KNL1: variants seen among roughly 807,000 people sequenced by gnomAD.
KNL1 encodes the protein kinetochore scaffold 1.
Under a neutral mutation model 201.3 loss-of-function variants are expected in KNL1, and 66 were observed. The observed-to-expected ratio is 0.33, with a 90% CI of 0.27 to 0.40. The LOEUF (loss-of-function observed/expected upper bound fraction) is 0.40, where lower values mean the gene tolerates loss of function less well. KNL1 is among the 10% of genes least tolerant of loss of function. The pLI, the probability that KNL1 is intolerant of heterozygous loss-of-function variation, is 1.00. For synonymous variants in KNL1, 895 were observed against 899.2 expected, an observed-to-expected ratio of 1.00 and a Z score of 0.08; for missense variants, 2,815 against 2,690.5, an observed-to-expected ratio of 1.05 and a Z score of -1.02.
intron 8 of KNL1, among the ~76,000 whole-genome samples, chr15:40,618,588 T>C (rs1346516584): frequency 6.6e-6 from 1 of 152,078 alleles, no homozygotes. Context: ...ATTATAAAAA[T>C]ATTTCAGCCA....
At chr15:40,615,660 G>A (rs1267416037) in intron 8 of KNL1, 3 of 160,764 alleles carry the variant, frequency 1.9e-5, no homozygotes, top group African/African-American at 4.8e-5. Context: ...CCAGCTACTC[G>A]GGGCTGAGGC....
chr15:40,654,190 G>A (rs1339844918), intron 21 of KNL1, among the ~76,000 whole-genome samples: 5 of 152,164 alleles, frequency 3.3e-5, no homozygotes, highest in African/African-American at 1.2e-4. Context: ...GTCTGGGGGA[G>A]CGAGCAGCTA....
intron 22 of KNL1, among the ~76,000 whole-genome samples, chr15:40,656,263 T>A (rs1030758466): frequency 6.6e-6 from 1 of 151,888 alleles, no homozygotes; most frequent in Admixed American, 6.6e-5. Context: ...AAACCCTGTC[T>A]CTACTAAAAA....
chr15:40,651,193 A>T (rs189327134), intron 19 of KNL1, among the ~76,000 whole-genome samples: 11 of 151,796 alleles, frequency 7.2e-5, no homozygotes, highest in Admixed American at 7.2e-4. Context: ...TTTAAAAGTT[A>T]TCTTAACATG....
rs761960711 is a variant in KNL1, at chr15:40,624,090, C to T, written c.3826C>T (p.Gln1276Ter). 6.2e-7 allele frequency: 1 copy of T among 1,614,002 alleles called. No individual in the cohort carries two copies. The highest frequency in any genetic ancestry group is 8.5e-7 in the Non-Finnish European group (1 of 1,179,948). The change falls in exon 10 of 26, where the codon CAG becomes TAG. Residue 1276 changes from glutamine to a stop codon, truncating the protein, a stop_gained. Coordinates refer to ENST00000399668, the MANE Select transcript of KNL1 (RefSeq NM_144508.5). LOFTEE classifies it high-confidence loss of function. Reference sequence around the variant, plus strand: ...GGAAAAAGCGCAAGTTGAAAGCTGTCAGTTAAATAATAGAGATAGAAGAAA... The same window carrying T: ...GGAAAAAGCGCAAGTTGAAAGCTGTTAGTTAAATAATAGAGATAGAAGAAA... Reference protein sequence around the residue: ...TLEKAQVESCQLNNRDRRNVD... With the variant: ...TLEKAQVESC
chr15:40,657,262 A>G lies in KNL1; in HGVS notation c.6595-93A>G, dbSNP rs146940203. ...GATCCTGAAATGATAAATGTATTCA[A>G]TTGTTTAACTTTTTTGAGTTCTTTG... On this transcript the variant is annotated intron_variant, in intron 23 of 25. Coordinates refer to ENST00000399668, the MANE Select transcript of KNL1 (RefSeq NM_144508.5). The G allele has an allele frequency of 8.3e-5, 84 of 1,015,062 alleles. 1 individual carries two copies. The African/African-American group carries it at 1.2e-3, about 15-fold the overall frequency. 62.9% of individuals were successfully genotyped at this position (1,015,062 alleles called of 1,614,324 possible).
intron 24 of KNL1, among the ~76,000 whole-genome samples, chr15:40,657,993 T>C (rs1893783404): frequency 6.6e-6 from 1 of 152,038 alleles, no homozygotes; most frequent in Non-Finnish European, 1.5e-5. Context: ...ACAACTTGGG[T>C]GCAGTGGCTC....
chr15:40,594,296 C>G lies in KNL1; in HGVS notation c.-114C>G, dbSNP rs1295377825. ...CGAGCCGGGCGTTGTGAGCGGACTG[C>G]TAGAGGCGGCTGTCTGTTTCCGCTC... On this transcript the variant is annotated 5_prime_UTR_variant, in exon 1 of 26. Transcript: ENST00000399668. 6.6e-6 allele frequency: 1 copy of G among 152,282 alleles called. No individual in the cohort carries two copies. The highest frequency in any genetic ancestry group is 2.4e-5 in the African/African-American group (1 of 41,460). The allele number at this position is 152,282 out of a possible 1,614,324, so 9.4% of individuals were successfully genotyped here.
intron 24 of KNL1, among the ~76,000 whole-genome samples, chr15:40,657,783 C>T (rs531804832): frequency 1.3e-5 from 2 of 152,268 alleles, no homozygotes; most frequent in African/African-American, 4.8e-5. Flanking sequence ...AGGGGCCCAC[C>T]TTACTCTAGT....
chr15:40,617,173 T>C (rs1567004904), intron 8 of KNL1, among the ~76,000 whole-genome samples: 1 of 152,196 alleles, frequency 6.6e-6, no homozygotes, highest in Non-Finnish European at 1.5e-5. Context: ...GGTCTCAAAC[T>C]CCTGACCTCA....
chr15:40,600,238 C>T (rs1595911642), intron 1 of KNL1, among the ~76,000 whole-genome samples: 1 of 152,064 alleles, frequency 6.6e-6, no homozygotes, highest in Middle Eastern at 3.4e-3. Context: ...ACCATGTCGA[C>T]TAGTTTTTAT....
chr15:40,597,254 T>G (rs1891648102), intron 1 of KNL1, among the ~76,000 whole-genome samples: 1 of 150,718 alleles, frequency 6.6e-6, no homozygotes, highest in Non-Finnish European at 1.5e-5. Context: ...AACTTTTTTG[T>G]TTTTTTTTCT....
intron 13 of KNL1, among the ~76,000 whole-genome samples, chr15:40,636,724 G>A (rs574699277): frequency 3.3e-5 from 5 of 152,212 alleles, no homozygotes; most frequent in Admixed American, 2.0e-4. Context: ...CCAGCTACTC[G>A]CGAGGCTGAA....
At chr15:40,647,460 C>G (rs557321690) in intron 17 of KNL1, among the ~76,000 whole-genome samples, 5 of 151,510 alleles carry the variant, frequency 3.3e-5, no homozygotes, top group African/African-American at 1.2e-4. Context: ...GGTGGCAGAG[C>G]GAGACTCCAT....
chr15:40,661,967 G>C, intron 25 of KNL1, 107 bp from the exon 26 acceptor site: 1 of 613,862 alleles, frequency 1.6e-6, no homozygotes, highest in South Asian at 1.8e-5. Context: ...CATGAACCCG[G>C]GAGGTGGAGC....
At chr15:40,650,512 G>C in intron 18 of KNL1, 32 bp from the exon 19 acceptor site, 1 of 1,486,520 alleles carries the variant, frequency 6.7e-7, no homozygotes, top group Non-Finnish European at 9.0e-7. Context: ...TAATATGTTT[G>C]TTCTGTTTTT....
At chr15:40,650,921 T>G (rs1426544707) in intron 19 of KNL1, among the ~76,000 whole-genome samples, 1 of 152,158 alleles carries the variant, frequency 6.6e-6, no homozygotes, top group East Asian at 1.9e-4. Context: ...TAAAAGAAAG[T>G]AAATAGAAAT....
intron 1 of KNL1, among the ~76,000 whole-genome samples, chr15:40,597,565 G>A (rs1182397558): frequency 2.0e-5 from 3 of 152,086 alleles, no homozygotes; most frequent in Non-Finnish European, 2.9e-5. Context: ...TTGAGCCATC[G>A]CACCAGGCCC....
intron 1 of KNL1, among the ~76,000 whole-genome samples, chr15:40,598,838 C>G (rs1891694826): frequency 6.6e-6 from 1 of 152,128 alleles, no homozygotes; most frequent in Non-Finnish European, 1.5e-5. Context: ...GGGTCTAGCT[C>G]TGTTGCCCAG....
Sources: allele counts gnomAD v4.1 joint callset (sites outside exome capture counted in the v4.1 genomes callset), GRCh38; gene constraint gnomAD v4.1.1; transcripts MANE v1.5; gene names NCBI Gene and HGNC (gene_info 2026-07-23, HGNC 2026-07-21).